The following ME2 variants were observed in gnomAD, a reference collection of about 807,000 sequenced individuals.
ME2 encodes NAD-dependent malic enzyme, mitochondrial.
ME2 carries 60 observed loss-of-function variants against 73.7 expected under a neutral mutation model. The observed-to-expected ratio is 0.81, with a 90% CI of 0.66 to 1.01. The LOEUF (loss-of-function observed/expected upper bound fraction) is 1.01, where lower values mean the gene tolerates loss of function less well. Ranked by LOEUF, ME2 falls within the 50% of genes least tolerant of loss-of-function variation. The pLI is 0.00. For missense variants in ME2, 594 were observed against 705.5 expected (o/e 0.84, Z 1.79); for synonymous variants, 199 against 236.9 (o/e 0.84, Z 1.47).
chr18:50,940,663 C>T (rs1054680752), intron 15 of ME2, among the ~76,000 whole-genome samples: 11 of 152,242 alleles, frequency 7.2e-5, no homozygotes, highest in African/African-American at 2.6e-4. Flanking sequence ...AGGGGTCTTC[C>T]TGTGTTGCCC....
At chr18:50,894,122 C>T (rs544670130) in intron 1 of ME2, among the ~76,000 whole-genome samples, 1 of 152,300 alleles carries the variant, frequency 6.6e-6, no homozygotes, top group East Asian at 1.9e-4. Flanking sequence ...AAGCCTCATA[C>T]AAGTGGTCTT....
In ME2 at chr18:50,908,140, T is replaced by C. The variant is rs1917060887; in HGVS notation, c.186T>C (p.Asp62=). ...TACCTCCCAAAATAGAGACACAAGA[T>C]ATTCAAGCCTTACGATTTCATAGAA... ...GLLPPKIETQ[D]IQALRFHRNL... The change falls in exon 3 of 16, where the codon GAT becomes GAC. Residue 62 remains aspartate (D), a synonymous_variant. Coordinates refer to ENST00000321341, the MANE Select transcript of ME2 (RefSeq NM_002396.5). 1.9e-6 allele frequency: 3 copies of C among 1,607,552 alleles called. No individual in the cohort carries two copies.
intron 1 of ME2, among the ~76,000 whole-genome samples, chr18:50,881,889 A>G (rs1480373662): frequency 6.6e-6 from 1 of 152,234 alleles, no homozygotes; most frequent in African/African-American, 2.4e-5. Flanking sequence ...AGCCTATTAA[A>G]TAGGTCTTGT....
intron 1 of ME2, among the ~76,000 whole-genome samples, chr18:50,887,730 A>T (rs1916505025): frequency 6.6e-6 from 1 of 152,178 alleles, no homozygotes; most frequent in African/African-American, 2.4e-5. Context: ...CAAACTTAAA[A>T]CTGCCTCCAA....
At chr18:50,931,280 T>G (rs1192725339) in intron 12 of ME2, among the ~76,000 whole-genome samples, 1 of 152,226 alleles carries the variant, frequency 6.6e-6, no homozygotes, top group Non-Finnish European at 1.5e-5. Flanking sequence ...AGTGATACTG[T>G]GGTCATGCCA....
At chr18:50,946,892 AT>A in intron 15 of ME2, 124 bp from the exon 16 acceptor site, 1 of 741,724 alleles carries the variant, frequency 1.3e-6, no homozygotes, top group Non-Finnish European at 2.3e-6. Flanking sequence ...AAGCAATGTT[AT>A]TTTTTACTGT....
chr18:50,928,527 T>C (rs547185417), intron 12 of ME2, among the ~76,000 whole-genome samples: 11 of 152,302 alleles, frequency 7.2e-5, no homozygotes, highest in East Asian at 3.9e-4. Context: ...CATGAGCCAC[T>C]GCGCCCGGAC....
intron 1 of ME2, among the ~76,000 whole-genome samples, chr18:50,892,837 T>G (rs562054351): frequency 3.3e-5 from 5 of 152,216 alleles, no homozygotes; most frequent in African/African-American, 1.2e-4. Context: ...AAAAAATTAC[T>G]CTTTAAGGGC....
chr18:50,911,856 C>G (rs1917165955), intron 3 of ME2, among the ~76,000 whole-genome samples: 1 of 152,112 alleles, frequency 6.6e-6, no homozygotes, highest in African/African-American at 2.4e-5. Context: ...CAGAAATGAT[C>G]ACAGTTAGGT....
In ME2 at chr18:50,949,104, T is replaced by A. The variant is rs888025485; in HGVS notation, c.*1920T>A. 1 of 152,120 alleles carries A rather than the reference T, an allele frequency of 6.6e-6. No homozygotes were observed. Among genetic ancestry groups the A allele is most frequent in the Non-Finnish European group, 1.5e-5 (1 of 68,038 alleles). The allele number at this position is 152,120 out of a possible 1,614,324, so 9.4% of individuals were successfully genotyped here. A position where few individuals can be genotyped will look rare whatever the true frequency, so the allele number is the denominator to read the frequency against. Reference sequence around the variant, plus strand: ...ATCCACCCACTTTGGCCTCCCAAAGTGCTGGGATTACAGGCGTGAGCCACC... The same window carrying A: ...ATCCACCCACTTTGGCCTCCCAAAGAGCTGGGATTACAGGCGTGAGCCACC... On this transcript the variant is annotated 3_prime_UTR_variant, in exon 16 of 16. Coordinates refer to ENST00000321341, the MANE Select transcript of ME2 (RefSeq NM_002396.5).
At chr18:50,883,718 A>G (rs1443400671) in intron 1 of ME2, among the ~76,000 whole-genome samples, 1 of 152,094 alleles carries the variant, frequency 6.6e-6, no homozygotes, top group African/African-American at 2.4e-5. Context: ...CAAAAAAGTA[A>G]ACGGGCATGG....
intron 15 of ME2, among the ~76,000 whole-genome samples, chr18:50,944,556 G>A (rs1918039256): frequency 6.6e-6 from 1 of 152,174 alleles, no homozygotes; most frequent in African/African-American, 2.4e-5. Context: ...GGACCAAGGG[G>A]AGCTTTCTCC....
rs533138526 is a variant in ME2, at chr18:50,920,545, C to T, written c.824C>T (p.Thr275Ile). Residue 275 changes from threonine (T) to isoleucine (I), a missense_variant, in exon 8 of 16, where the codon ACT (threonine) becomes ATT (isoleucine). Thr to Ile is a moderately conservative substitution (Grantham distance 89). Coordinates refer to ENST00000321341, the MANE Select transcript of ME2 (RefSeq NM_002396.5). ...AGAAAGTACCGAGAAAAATATTGTA[C>T]TTTCAATGATGATATTCAAGGTAAA... ...FLRKYREKYC[T>I]FNDDIQGTAA... 2 of 1,591,596 alleles carry T rather than the reference C, an allele frequency of 1.3e-6. No individual in the cohort carries two copies. The highest frequency in any genetic ancestry group is 2.3e-5 in the South Asian group (2 of 86,284).
chr18:50,907,275 C>A (rs183195434), intron 2 of ME2, among the ~76,000 whole-genome samples: 90 of 152,300 alleles, frequency 5.9e-4, no homozygotes, highest in African/African-American at 2.1e-3. Context: ...TGCTGATTTT[C>A]ATAGTAATTG....
At chr18:50,924,048 C>A (rs764009887) in intron 10 of ME2, 50 bp from the exon 11 acceptor site, 3 of 1,126,154 alleles carry the variant, frequency 2.7e-6, no homozygotes, top group East Asian at 2.4e-5. Flanking sequence ...TTTATTTCAT[C>A]TTTAATATGC....
intron 4 of ME2, 151 bp from the exon 5 acceptor site, chr18:50,916,017 T>C (rs1568167321): frequency 1.7e-6 from 1 of 577,878 alleles, no homozygotes; most frequent in East Asian, 2.9e-5. Flanking sequence ...TTGAAAATGT[T>C]TGAAAATAAA....
At position 50,949,344 on chromosome 18, in the gene ME2, T is replaced by C. The variant is rs964872861; in HGVS notation, c.*2160T>C. 5.3e-5 allele frequency: 8 copies of C among 152,212 alleles called. No individual in the cohort carries two copies. Among genetic ancestry groups the C allele is most frequent in the African/African-American group, 1.7e-4 (7 of 41,436 alleles). The allele number at this position is 152,212 out of a possible 1,614,324, so 9.4% of individuals were successfully genotyped here. On this transcript the variant is annotated 3_prime_UTR_variant, in exon 16 of 16. Transcript: ENST00000321341. ...GGTTTTGGTTTGTTTGTTTTAGATA[T>C]GGGGTTTTGCTATGTCACCCTTGCT...
At chr18:50,888,904 G>A (rs916392731) in intron 1 of ME2, among the ~76,000 whole-genome samples, 21 of 151,992 alleles carry the variant, frequency 1.4e-4, no homozygotes, top group African/African-American at 4.6e-4. Flanking sequence ...CATAATAGAT[G>A]TACATAGTTT....
rs773401196 is a variant in ME2, at chr18:50,940,333, C to T, written c.1534C>T (p.Leu512Phe). 50 of 1,611,526 alleles carry T rather than the reference C, an allele frequency of 3.1e-5. No homozygotes were observed. The highest frequency in any genetic ancestry group is 4.0e-5 in the Non-Finnish European group (47 of 1,179,484). The change falls in exon 15 of 16, where the codon CTT (leucine) becomes TTT (phenylalanine). Residue 512 changes from leucine to phenylalanine, a missense_variant. Physicochemically the swap from Leu to Phe is conservative, Grantham distance 22 (BLOSUM62 0). Coordinates refer to ENST00000321341, the MANE Select transcript of ME2 (RefSeq NM_002396.5). ...AGATGAAGAGCTAGCCCAAGGGAGACTTTACCCACCGCTTGCTAATATTCA... is the reference window on the plus strand; with the variant it reads ...AGATGAAGAGCTAGCCCAAGGGAGATTTTACCCACCGCTTGCTAATATTCA... ...LTDEELAQGR[L>F]YPPLANIQEV...
Sources: gnomAD v4.1 joint callset for allele counts (sites outside exome capture counted in the v4.1 genomes callset) on GRCh38, gnomAD v4.1.1 for gene constraint, MANE v1.5 for transcripts, NCBI Gene and HGNC (gene_info 2026-07-23, HGNC 2026-07-21) for gene names.